RAB39A: variants seen among roughly 807,000 people sequenced by gnomAD.
The protein encoded by RAB39A is ras-related protein Rab-39A.
A neutral mutation model predicts 20.9 loss-of-function variants in RAB39A; 17 were observed. The observed-to-expected ratio is 0.81, with a 90% CI of 0.56 to 1.22. RAB39A has a LOEUF of 1.22. Among genes scored for constraint, RAB39A ranks in the 50% most tolerant of loss-of-function variants. The probability of loss-of-function intolerance (pLI) is 0.00; values close to 1 mark genes in which losing one functional copy is unlikely to be tolerated. For synonymous variants in RAB39A, 99 were observed against 103.4 expected (o/e 0.96, Z 0.26); for missense variants, 234 against 270.5 (o/e 0.87, Z 0.95).
chr11:107,943,898 C>A (rs1326697994), intron 1 of RAB39A, among the ~76,000 whole-genome samples: 5 of 152,022 alleles, frequency 3.3e-5, no homozygotes, highest in Non-Finnish European at 4.4e-5. Flanking sequence ...AGTTCAAGAC[C>A]AGCCTGGCCA....
intron 1 of RAB39A, among the ~76,000 whole-genome samples, chr11:107,956,675 CT>C (rs1861439911): frequency 1.3e-5 from 2 of 152,220 alleles, no homozygotes; most frequent in Admixed American, 1.3e-4. Flanking sequence ...AGCAGTATTC[CT>C]CAGCAGTGTT....
chr11:107,948,862 C>T (rs1052795534), intron 1 of RAB39A, among the ~76,000 whole-genome samples: 1 of 152,170 alleles, frequency 6.6e-6, no homozygotes, highest in African/African-American at 2.4e-5. Context: ...ACTTAGGTTA[C>T]TCTGACCATG....
At chr11:107,945,245 G>A (rs35054858) in intron 1 of RAB39A, among the ~76,000 whole-genome samples, 1 of 149,032 alleles carries the variant, frequency 6.7e-6, no homozygotes, top group Non-Finnish European at 1.5e-5. Flanking sequence ...CACTCTGGGA[G>A]GCTGAGGTCA....
chr11:107,937,896 C>T (rs1461432990), intron 1 of RAB39A, among the ~76,000 whole-genome samples: 2 of 152,078 alleles, frequency 1.3e-5, no homozygotes, highest in Non-Finnish European at 2.9e-5. Flanking sequence ...GTTACACAGA[C>T]ATATAATACA....
intron 1 of RAB39A, among the ~76,000 whole-genome samples, chr11:107,941,877 T>C (rs945667561): frequency 6.6e-6 from 1 of 151,894 alleles, no homozygotes; most frequent in African/African-American, 2.4e-5. Context: ...GGCGGGTGGA[T>C]CACTTGTGGT....
chr11:107,960,164 C>T (rs1344699701), intron 1 of RAB39A, among the ~76,000 whole-genome samples: 1 of 149,862 alleles, frequency 6.7e-6, no homozygotes, highest in Admixed American at 6.7e-5. Flanking sequence ...GAGCCAAGAT[C>T]ACGCCACTGC....
In RAB39A at chr11:107,934,005, C is replaced by G. The variant is rs950716666; in HGVS notation, c.227+5210C>G. On this transcript the variant is annotated intron_variant, in intron 1 of 1. Transcript: ENST00000320578. ...TCTGTGATCAAGTAAGTTTGGAAAT[C>G]CCTGTATTCCATATGGCACTCTCTT... Among the ~76,000 whole-genome samples the G allele has an allele frequency of 2.6e-5, 4 of 152,238 alleles. No individual in the cohort carries two copies. The South Asian group carries it at 6.2e-4, about 24-fold the overall frequency.
chr11:107,952,417 C>CA (rs1298246660), intron 1 of RAB39A, among the ~76,000 whole-genome samples: 2 of 151,976 alleles, frequency 1.3e-5, no homozygotes, highest in African/African-American at 4.8e-5. Flanking sequence ...TCCGTCTCTA[C>CA]AAAAAATACA....
chr11:107,948,455 T>C (rs1861340721), intron 1 of RAB39A, among the ~76,000 whole-genome samples: 2 of 151,962 alleles, frequency 1.3e-5, no homozygotes, highest in Admixed American at 6.6e-5. Flanking sequence ...AAGTTGCATG[T>C]GGTGATTTTA....
intron 1 of RAB39A, among the ~76,000 whole-genome samples, chr11:107,944,898 AGCCAG>A (rs1195636866): frequency 2.6e-5 from 4 of 151,968 alleles, no homozygotes; most frequent in African/African-American, 9.7e-5. Context: ...AAAAGAAGCC[AGCCAG>A]GCCAGGCATG....
intron 1 of RAB39A, among the ~76,000 whole-genome samples, chr11:107,951,936 AT>A (rs1861384961): frequency 6.6e-6 from 1 of 152,198 alleles, no homozygotes; most frequent in Non-Finnish European, 1.5e-5. Context: ...TAATCATGTC[AT>A]TTGTGTAAAA....
chr11:107,942,792 GGT>G (rs151233116), intron 1 of RAB39A, among the ~76,000 whole-genome samples: 4 of 150,182 alleles, frequency 2.7e-5, no homozygotes, highest in African/African-American at 2.4e-5. Flanking sequence ...TGTTGTATGG[GGT>G]GTGTGTGTGT....
At chr11:107,954,064 T>C (rs1432780280) in intron 1 of RAB39A, among the ~76,000 whole-genome samples, 2 of 152,218 alleles carry the variant, frequency 1.3e-5, no homozygotes, top group African/African-American at 4.8e-5. Context: ...ATGGTGGTAC[T>C]AGCATGGCCT....
intron 1 of RAB39A, among the ~76,000 whole-genome samples, chr11:107,929,003 C>A (rs1365398971): frequency 2.0e-5 from 3 of 152,014 alleles, no homozygotes; most frequent in Non-Finnish European, 4.4e-5. Context: ...CTTTCTTTGG[C>A]GCCCATTTCC....
At position 107,939,332 on chromosome 11, in the gene RAB39A, C is replaced by T. The variant is rs527947826; in HGVS notation, c.227+10537C>T. Among the ~76,000 whole-genome samples, 12 of 148,108 alleles carry T rather than the reference C, an allele frequency of 8.1e-5. No homozygotes were observed. The East Asian group carries it at 2.3e-3, about 28-fold the overall frequency. On this transcript the variant is annotated intron_variant, in intron 1 of 1. Transcript: ENST00000320578. The stretch of plus-strand genomic sequence containing the variant: ...AATAGTTGAAAATAACGTGGCCGGG[C>T]GTGGTGGCTCACGCCTGTAATCCCA...
At chr11:107,944,090 AT>A in intron 1 of RAB39A, among the ~76,000 whole-genome samples, 2 of 151,310 alleles carry the variant, frequency 1.3e-5, no homozygotes, top group Middle Eastern at 3.4e-3. Context: ...GTGAGACTCC[AT>A]CTCAAAAAAA....
At chr11:107,931,162 G>C (rs544393778) in intron 1 of RAB39A, among the ~76,000 whole-genome samples, 1 of 152,080 alleles carries the variant, frequency 6.6e-6, no homozygotes, top group East Asian at 2.0e-4. Context: ...TTTTAGTAGA[G>C]ACGGGGATTT....
chr11:107,938,500 C>T (rs7110159), intron 1 of RAB39A, among the ~76,000 whole-genome samples: 7,248 of 146,088 alleles, frequency 0.05, 287 homozygotes, highest in African/African-American at 0.12. Context: ...GAGGCCAAAG[C>T]GAGTGGATCT....
chr11:107,955,613 C>T (rs1302790385), intron 1 of RAB39A, among the ~76,000 whole-genome samples: 9 of 152,244 alleles, frequency 5.9e-5, no homozygotes, highest in South Asian at 2.1e-4. Flanking sequence ...CCGAGGCAGG[C>T]GGATCACCTG....
Sources: allele counts gnomAD v4.1 joint callset (sites outside exome capture counted in the v4.1 genomes callset), GRCh38; gene constraint gnomAD v4.1.1; transcripts MANE v1.5; gene names NCBI Gene and HGNC (gene_info 2026-07-23, HGNC 2026-07-21).